ZNF354B: variants seen among roughly 807,000 people sequenced by gnomAD.
The protein encoded by ZNF354B is zinc finger protein 354B.
Under a neutral mutation model 12.9 loss-of-function variants are expected in ZNF354B, and 10 were observed. The observed-to-expected ratio is 0.77, with a 90% CI of 0.48 to 1.31. The LOEUF (loss-of-function observed/expected upper bound fraction) is 1.31. ZNF354B is among the 40% of genes most tolerant of loss of function. The probability of loss-of-function intolerance (pLI) is 0.00; values close to 1 mark genes in which losing one functional copy is unlikely to be tolerated. For missense variants in ZNF354B, 614 were observed against 711.7 expected (o/e 0.86, Z 1.56); for synonymous variants, 260 against 243.7 (o/e 1.07, Z -0.62).
At chr5:178,863,241 C>A (rs1017247819) in intron 2 of ZNF354B, among the ~76,000 whole-genome samples, 1 of 151,778 alleles carries the variant, frequency 6.6e-6, no homozygotes, top group Non-Finnish European at 1.5e-5. Context: ...TATATATATA[C>A]ATATGTATAT....
intron 4 of ZNF354B, among the ~76,000 whole-genome samples, chr5:178,881,828 G>A (rs897614293): frequency 6.6e-6 from 1 of 152,188 alleles, no homozygotes; most frequent in African/African-American, 2.4e-5. Flanking sequence ...ATTTTTAGTA[G>A]AGATGGGGTT....
intron 4 of ZNF354B, among the ~76,000 whole-genome samples, chr5:178,875,053 T>C (rs574537631): frequency 2.0e-5 from 3 of 152,212 alleles, no homozygotes; most frequent in Admixed American, 6.5e-5. Context: ...TTAAGTGTTA[T>C]GGCCAGTAGG....
intron 4 of ZNF354B, among the ~76,000 whole-genome samples, chr5:178,882,507 G>A (rs1054937806): frequency 6.6e-6 from 1 of 151,972 alleles, no homozygotes; most frequent in Non-Finnish European, 1.5e-5. Flanking sequence ...ACACTCACCC[G>A]CCTTAACTGA....
intron 2 of ZNF354B, among the ~76,000 whole-genome samples, chr5:178,862,224 TTAAG>T (rs1422267973): frequency 6.6e-6 from 1 of 152,050 alleles, no homozygotes; most frequent in Non-Finnish European, 1.5e-5. Flanking sequence ...CTCAGAAAAG[TTAAG>T]TAACCTGAGT....
intron 4 of ZNF354B, among the ~76,000 whole-genome samples, chr5:178,882,365 G>A (rs1334567796): frequency 6.6e-6 from 1 of 152,134 alleles, no homozygotes; most frequent in Non-Finnish European, 1.5e-5. Flanking sequence ...AGACATTCAG[G>A]AGTATAAATA....
At chr5:178,872,544 T>G (rs760866073) in intron 4 of ZNF354B, among the ~76,000 whole-genome samples, 1 of 152,190 alleles carries the variant, frequency 6.6e-6, no homozygotes, top group Non-Finnish European at 1.5e-5. Flanking sequence ...GTAGGTTTAG[T>G]TTTTGAAGAC....
intron 2 of ZNF354B, among the ~76,000 whole-genome samples, chr5:178,863,571 TCTGA>T (rs1757395432): frequency 6.6e-6 from 1 of 152,240 alleles, no homozygotes; most frequent in South Asian, 2.1e-4. Flanking sequence ...GTTGATGATA[TCTGA>T]CTGTGTTGCT....
chr5:178,865,768 C>A (rs775977284), intron 2 of ZNF354B, among the ~76,000 whole-genome samples: 1 of 152,160 alleles, frequency 6.6e-6, no homozygotes, highest in Non-Finnish European at 1.5e-5. Context: ...TCATTATTAT[C>A]CTCAAGCTTG....
chr5:178,862,695 G>T (rs1421099420), intron 2 of ZNF354B, among the ~76,000 whole-genome samples: 1 of 152,216 alleles, frequency 6.6e-6, no homozygotes, highest in East Asian at 1.9e-4. Flanking sequence ...AGCCAAGACA[G>T]TGGAGTGGGA....
Position 178,883,893 on chromosome 5 carries a change from CTCAT to C in ZNF354B, c.1445_1448del (p.Ile482AsnfsTer43). 1 of 1,614,138 alleles carries C rather than the reference CTCAT, an allele frequency of 6.2e-7. No individual in the cohort carries two copies. The highest frequency in any genetic ancestry group is 8.5e-7 in the Non-Finnish European group (1 of 1,180,000). On this transcript the variant is annotated frameshift_variant, in exon 5 of 5. Transcript: ENST00000322434. LOFTEE classifies it high-confidence loss of function. ...AAAAGCCTTCAGACAGAGTTCCGCT[CTCAT>C]TCAACATCAGAGAATGCATACTGGA...
Position 178,883,562 on chromosome 5 carries a change from T to A in ZNF354B, c.1110T>A (p.Arg370=), listed in dbSNP as rs773610571. 32 of 1,613,982 alleles carry A rather than the reference T, an allele frequency of 2.0e-5. No homozygotes were observed. The highest frequency in any genetic ancestry group is 3.3e-4 in the Middle Eastern group (2 of 6,084). ...CCTTTAAGTCTAGCTCATCCCTTCG[T>A]TATCATCAGAGAATTCACACTGGAG... ...GNTFKSSSSL[R]YHQRIHTGEK... The change falls in exon 5 of 5, where the codon CGT becomes CGA. Residue 370 remains arginine, a synonymous_variant. Coordinates refer to ENST00000322434, the MANE Select transcript of ZNF354B (RefSeq NM_058230.3).
At chr5:178,873,804 A>C (rs1200294487) in intron 4 of ZNF354B, among the ~76,000 whole-genome samples, 2 of 152,184 alleles carry the variant, frequency 1.3e-5, no homozygotes, top group African/African-American at 4.8e-5. Flanking sequence ...TGAGATTTTG[A>C]TAGGAATTGC....
chr5:178,883,442 AG>A lies in ZNF354B; in HGVS notation c.992del (p.Gly331AlafsTer100). 6.2e-7 allele frequency: 1 copy of A among 1,614,104 alleles called. No individual in the cohort carries two copies. On this transcript the variant is annotated frameshift_variant, in exon 5 of 5. Coordinates refer to ENST00000322434, the MANE Select transcript of ZNF354B (RefSeq NM_058230.3). LOFTEE classifies it low-confidence loss of function (END_TRUNC). Reference protein sequence around the residue: ...AQENPHKYNPGRKASSYSTSL... With the variant: ...AQENPHKYNPXRKASSYSTSL... ...AAGAAAATCCCCATAAATACAATCC[AG>A]GCAGGAAGGCATCCAGTTACAGCAC...
chr5:178,860,535 A>G (rs1023189759), intron 1 of ZNF354B, among the ~76,000 whole-genome samples: 4 of 151,934 alleles, frequency 2.6e-5, no homozygotes, highest in African/African-American at 9.7e-5. Context: ...TGGAGTCGGG[A>G]GACGATTCGT....
At chr5:178,880,637 A>G (rs72814701) in intron 4 of ZNF354B, among the ~76,000 whole-genome samples, 4 of 149,058 alleles carry the variant, frequency 2.7e-5, no homozygotes, top group Non-Finnish European at 6.0e-5. Flanking sequence ...AGGACTGCAG[A>G]TGAGTGCCAC....
At chr5:178,871,951 G>C (rs1246824940) in intron 4 of ZNF354B, among the ~76,000 whole-genome samples, 2 of 152,160 alleles carry the variant, frequency 1.3e-5, no homozygotes, top group Non-Finnish European at 2.9e-5. Flanking sequence ...TTTATATGCA[G>C]TTGTGAGAAG....
chr5:178,866,306 T>G lies in ZNF354B; in HGVS notation c.96T>G (p.Ala32=). 1.9e-6 allele frequency: 3 copies of G among 1,600,372 alleles called. No individual in the cohort carries two copies. The highest frequency in any genetic ancestry group is 2.6e-6 in the Non-Finnish European group (3 of 1,169,174). The part of the protein sequence containing the change: ...LFTWDEWRKL[A]PSQRNLYRDV... ...CCTGGGATGAGTGGAGAAAGCTGGC[T>G]CCTTCTCAGAGAAACTTGTACCGGG... Residue 32 remains alanine (A), a synonymous_variant, in exon 3 of 5, where the codon GCT becomes GCG. Coordinates refer to ENST00000322434, the MANE Select transcript of ZNF354B (RefSeq NM_058230.3).
Position 178,884,152 on chromosome 5 carries a change from C to T in ZNF354B, c.1700C>T (p.Ala567Val). 1 of 1,613,798 alleles carries T rather than the reference C, an allele frequency of 6.2e-7. No individual in the cohort carries two copies. Among genetic ancestry groups the T allele is most frequent in the Non-Finnish European group, 8.5e-7 (1 of 1,179,906 alleles). ...KTFRQSSSLI[A>V]HQRIHTGEKP... Reference sequence around the variant, plus strand: ...TTTAGACAAAGCTCATCACTTATTGCACATCAAAGAATTCATACTGGAGAG... The same window carrying T: ...TTTAGACAAAGCTCATCACTTATTGTACATCAAAGAATTCATACTGGAGAG... Residue 567 changes from alanine (A) to valine (V), a missense_variant, in exon 5 of 5, where the codon GCA becomes GTA. By Grantham distance (64) the Ala-to-Val change is moderately conservative. Transcript: ENST00000322434.
intron 4 of ZNF354B, among the ~76,000 whole-genome samples, chr5:178,871,583 C>T (rs1169668034): frequency 1.3e-5 from 2 of 152,204 alleles, no homozygotes; most frequent in African/African-American, 4.8e-5. Context: ...TCATTCACTC[C>T]TGTTTTCCAA....
Sources: gnomAD v4.1 joint callset for allele counts (sites outside exome capture counted in the v4.1 genomes callset) on GRCh38, gnomAD v4.1.1 for gene constraint, MANE v1.5 for transcripts, NCBI Gene and HGNC (gene_info 2026-07-23, HGNC 2026-07-21) for gene names.